The following SPOCK3 variants were observed in gnomAD, a reference collection of about 807,000 sequenced individuals.
SPOCK3 encodes the protein testican-3.
Under a neutral mutation model 56.6 loss-of-function variants are expected in SPOCK3, and 30 were observed. The observed-to-expected ratio is 0.53, with a 90% confidence interval of 0.40 to 0.72. The LOEUF (loss-of-function observed/expected upper bound fraction) is 0.72. Among genes scored for constraint, SPOCK3 ranks in the 30% least tolerant of loss-of-function variants. The pLI, the probability that SPOCK3 is intolerant of heterozygous loss-of-function variation, is 0.00. For synonymous variants in SPOCK3, 196 were observed against 183.3 expected (o/e 1.07, Z -0.56); for missense variants, 527 against 530.0 (o/e 0.99, Z 0.06).
chr4:166,972,246 A>G (rs1222376706), intron 4 of SPOCK3, among the ~76,000 whole-genome samples: 1 of 152,144 alleles, frequency 6.6e-6, no homozygotes, highest in African/African-American at 2.4e-5. Context: ...AGTGCTTGCT[A>G]CATAAGCATG....
chr4:166,810,968 T>A (rs1267946453), intron 6 of SPOCK3, among the ~76,000 whole-genome samples: 1 of 151,918 alleles, frequency 6.6e-6, no homozygotes, highest in Non-Finnish European at 1.5e-5. Context: ...ATTTCTTCTT[T>A]GTTAATTTAA....
chr4:166,815,736 C>T (rs1422978743), intron 6 of SPOCK3, among the ~76,000 whole-genome samples: 1 of 152,034 alleles, frequency 6.6e-6, no homozygotes, highest in Non-Finnish European at 1.5e-5. Flanking sequence ...GATGGTGCCA[C>T]TGCACTCCAA....
chr4:166,870,782 C>T (rs534943636), intron 6 of SPOCK3, among the ~76,000 whole-genome samples: 54 of 152,150 alleles, frequency 3.5e-4, no homozygotes, highest in African/African-American at 1.3e-3. Context: ...ACTGTGTCCC[C>T]ACTCAAATCT....
chr4:166,809,907 CA>C (rs1352661541), intron 6 of SPOCK3, among the ~76,000 whole-genome samples: 1 of 152,046 alleles, frequency 6.6e-6, no homozygotes, highest in Non-Finnish European at 1.5e-5. Context: ...TGAGCACAGA[CA>C]AAAACAAAAA....
chr4:166,860,835 A>ATATATGT (rs1342260275), intron 6 of SPOCK3, among the ~76,000 whole-genome samples: 2 of 119,822 alleles, frequency 1.7e-5, no homozygotes, highest in African/African-American at 7.2e-5. Context: ...ATATATGCAT[A>ATATATGT]AAATATAACT....
chr4:167,007,492 G>A (rs1749581984), intron 3 of SPOCK3, among the ~76,000 whole-genome samples: 1 of 151,760 alleles, frequency 6.6e-6, no homozygotes, highest in Non-Finnish European at 1.5e-5. Context: ...TGAATCCACA[G>A]ATGTGGAGAC....
chr4:167,056,296 C>G (rs1197844431), intron 3 of SPOCK3, among the ~76,000 whole-genome samples: 1 of 152,186 alleles, frequency 6.6e-6, no homozygotes, highest in Admixed American at 6.5e-5. Flanking sequence ...ACATCACCAT[C>G]ATCAAAGACC....
intron 6 of SPOCK3, among the ~76,000 whole-genome samples, chr4:166,846,422 T>C (rs1055529679): frequency 6.6e-6 from 1 of 152,132 alleles, no homozygotes; most frequent in African/African-American, 2.4e-5. Flanking sequence ...TTATCCTTTT[T>C]ATTAATTTGG....
intron 6 of SPOCK3, among the ~76,000 whole-genome samples, chr4:166,846,585 C>T (rs924057211): frequency 6.6e-6 from 1 of 151,996 alleles, no homozygotes; most frequent in African/African-American, 2.4e-5. Context: ...TTTTGTCAGA[C>T]AGTTGGTAAA....
chr4:166,953,224 A>C (rs1742919402), intron 4 of SPOCK3, among the ~76,000 whole-genome samples: 1 of 151,774 alleles, frequency 6.6e-6, no homozygotes, highest in Non-Finnish European at 1.5e-5. Context: ...CAATGAACTC[A>C]AACAAATTTA....
At chr4:166,805,223 A>C (rs1388041699) in intron 6 of SPOCK3, among the ~76,000 whole-genome samples, 1 of 152,096 alleles carries the variant, frequency 6.6e-6, no homozygotes, top group Non-Finnish European at 1.5e-5. Flanking sequence ...CAGATCTCTA[A>C]AATTATTGGA....
intron 4 of SPOCK3, among the ~76,000 whole-genome samples, chr4:166,940,188 A>G (rs2150013811): frequency 6.6e-6 from 1 of 152,290 alleles, no homozygotes; most frequent in East Asian, 1.9e-4. Context: ...AGAGAGAAGA[A>G]ATATTTGTTC....
intron 2 of SPOCK3, among the ~76,000 whole-genome samples, chr4:167,156,059 T>C (rs1165352443): frequency 2.6e-5 from 4 of 152,102 alleles, no homozygotes. Context: ...ACAAAACAGA[T>C]AAACTTTAAC....
At chr4:167,163,009 A>C (rs1330209685) in intron 2 of SPOCK3, among the ~76,000 whole-genome samples, 2 of 151,866 alleles carry the variant, frequency 1.3e-5, no homozygotes. Context: ...CTTATACGTC[A>C]TCCATGTTTT....
chr4:166,800,898 C>A (rs951495516), intron 6 of SPOCK3, among the ~76,000 whole-genome samples: 2 of 152,182 alleles, frequency 1.3e-5, no homozygotes, highest in Non-Finnish European at 1.5e-5. Flanking sequence ...AACTTCCCAT[C>A]ATGCATGCTT....
chr4:166,787,654 G>A (rs1220442714), intron 7 of SPOCK3, among the ~76,000 whole-genome samples: 1 of 151,918 alleles, frequency 6.6e-6, no homozygotes, highest in Non-Finnish European at 1.5e-5. Context: ...TTAGGCATAG[G>A]GTTACTAAGA....
chr4:167,000,401 C>T lies in SPOCK3; in HGVS notation c.298G>A (p.Ala100Thr), dbSNP rs776992870. Reference protein sequence around the residue: ...MKCSRHKVCIAQDSQTAVCIS... With the variant: ...MKCSRHKVCITQDSQTAVCIS... ...CAGACTGCAGTCTGAGAATCTTGAG[C>T]AATGCATACTTTATGGCGACTACAT... The change falls in exon 4 of 11, where the codon GCT (alanine) becomes ACT (threonine). Residue 100 changes from alanine to threonine, a missense_variant. By Grantham distance (58) the Ala-to-Thr change is moderately conservative (BLOSUM62 0). Coordinates refer to ENST00000357545, the MANE Select transcript of SPOCK3 (RefSeq NM_001040159.2). 3.5e-5 allele frequency: 56 copies of T among 1,608,038 alleles called. No homozygotes were observed. The highest frequency in any genetic ancestry group is 4.5e-5 in the Non-Finnish European group (53 of 1,176,880).
chr4:166,889,992 T>G (rs541936361), intron 5 of SPOCK3, among the ~76,000 whole-genome samples: 1 of 152,182 alleles, frequency 6.6e-6, no homozygotes, highest in East Asian at 1.9e-4. Context: ...AGTGTCTCTC[T>G]AATCCTCGTG....
chr4:166,854,505 T>G (rs1730457860), intron 6 of SPOCK3, among the ~76,000 whole-genome samples: 2 of 152,224 alleles, frequency 1.3e-5, no homozygotes, highest in South Asian at 4.1e-4. Context: ...TGTAAAAATG[T>G]ACAGCCTCAT....
Sources: gnomAD v4.1 joint callset for allele counts (sites outside exome capture counted in the v4.1 genomes callset) on GRCh38, gnomAD v4.1.1 for gene constraint, MANE v1.5 for transcripts, NCBI Gene and HGNC (gene_info 2026-07-23, HGNC 2026-07-21) for gene names.